The following PCSK2 variants were observed in gnomAD, a reference collection of about 807,000 sequenced individuals.
PCSK2 encodes neuroendocrine convertase 2.
In PCSK2, 14 loss-of-function variants were observed where a neutral mutation model predicts 69.7. That is an observed-to-expected ratio of 0.20 (90% CI 0.13 to 0.31). The LOEUF is 0.31. PCSK2 is among the 10% of genes least tolerant of loss of function. The pLI, the probability that PCSK2 is intolerant of heterozygous loss-of-function variation, is 1.00. For synonymous variants in PCSK2, 307 were observed against 320.7 expected (o/e 0.96, Z 0.46); for missense variants, 544 against 842.5 (o/e 0.65, Z 4.39).
intron 2 of PCSK2, among the ~76,000 whole-genome samples, chr20:17,288,000 C>T (rs78196117): frequency 5.3e-5 from 8 of 152,334 alleles, no homozygotes; most frequent in East Asian, 3.9e-4. Flanking sequence ...TGTCCCAGAA[C>T]GCCCTGTCTT....
intron 10 of PCSK2, chr20:17,464,809 G>C (rs561802705): frequency 6.0e-6 from 1 of 166,508 alleles, no homozygotes; most frequent in Non-Finnish European, 1.3e-5. Flanking sequence ...CCTATCTTTT[G>C]GATGGCATGT....
At chr20:17,271,787 T>A (rs952130413) in intron 2 of PCSK2, among the ~76,000 whole-genome samples, 6 of 152,226 alleles carry the variant, frequency 3.9e-5, no homozygotes, top group East Asian at 1.9e-4. Context: ...TTTAAAAAAA[T>A]TAGTGATTAA....
Position 17,409,319 on chromosome 20 carries a change from C to T in PCSK2, c.600C>T (p.Tyr200=). The T allele has an allele frequency of 6.2e-7, 1 of 1,613,460 alleles. No individual in the cohort carries two copies. Residue 200 remains tyrosine, a synonymous_variant, in exon 6 of 12, where the codon TAC becomes TAT. Transcript: ENST00000262545. ...SSNDPYPYPR[Y]TDDWFNSHGT... is the part of the protein sequence containing the mutation. ...ACGACCCCTATCCTTACCCTCGGTA[C>T]ACAGATGACTGGTTTAACAGGTAAA... is the stretch of plus-strand genomic sequence containing the variant.
At chr20:17,429,230 TAA>T (rs957275624) in intron 6 of PCSK2, among the ~76,000 whole-genome samples, 1 of 152,056 alleles carries the variant, frequency 6.6e-6, no homozygotes, top group African/African-American at 2.4e-5. Flanking sequence ...TACAGAAAAC[TAA>T]AAGACAGGTA....
chr20:17,354,219 C>G (rs2123202532), intron 2 of PCSK2, among the ~76,000 whole-genome samples: 1 of 152,324 alleles, frequency 6.6e-6, no homozygotes, highest in Admixed American at 6.5e-5. Flanking sequence ...ACAAAGACTT[C>G]TACTTTCTTA....
At chr20:17,370,162 T>A (rs572108919) in intron 5 of PCSK2, among the ~76,000 whole-genome samples, 12 of 152,312 alleles carry the variant, frequency 7.9e-5, no homozygotes, top group African/African-American at 2.2e-4. Flanking sequence ...TCCAAACTAT[T>A]TCTAAGCTAT....
chr20:17,482,171 G>C lies in PCSK2; in HGVS notation c.*101G>C. 1 of 1,057,526 alleles carries C rather than the reference G, an allele frequency of 9.5e-7. No individual in the cohort carries two copies. Among genetic ancestry groups the C allele is most frequent in the Non-Finnish European group, 1.3e-6 (1 of 752,000 alleles). 65.5% of individuals were successfully genotyped at this position (1,057,526 alleles called of 1,614,324 possible). A position where few individuals can be genotyped will look rare whatever the true frequency, so the allele number is the denominator to read the frequency against. ...ACCTAGCAATTCCATCACCCGTACA[G>C]GCAATTCCGTCTTCTTAATCTGAAG... is the stretch of plus-strand genomic sequence containing the variant. On this transcript the variant is annotated 3_prime_UTR_variant, in exon 12 of 12. Coordinates refer to ENST00000262545, the MANE Select transcript of PCSK2 (RefSeq NM_002594.5).
intron 6 of PCSK2, among the ~76,000 whole-genome samples, chr20:17,417,858 T>C (rs530333065): frequency 3.2e-4 from 48 of 152,326 alleles, no homozygotes; most frequent in African/African-American, 1.0e-3. Context: ...TTAATCATTG[T>C]TAAAGCTCTG....
intron 2 of PCSK2, among the ~76,000 whole-genome samples, chr20:17,353,068 C>A (rs564273286): frequency 3.3e-5 from 5 of 152,180 alleles, no homozygotes; most frequent in African/African-American, 9.6e-5. Flanking sequence ...AGGTGGCCAA[C>A]AAACATATGA....
At chr20:17,370,195 G>A (rs1040584978) in intron 5 of PCSK2, among the ~76,000 whole-genome samples, 1 of 152,176 alleles carries the variant, frequency 6.6e-6, no homozygotes, top group African/African-American at 2.4e-5. Flanking sequence ...TCCAGATCTA[G>A]GTGTAAAAAA....
At chr20:17,363,372 G>GACC (rs1259027457) in intron 4 of PCSK2, among the ~76,000 whole-genome samples, 2 of 152,190 alleles carry the variant, frequency 1.3e-5, no homozygotes, top group African/African-American at 4.8e-5. Flanking sequence ...ACTAGGAGAG[G>GACC]ACCTCCATGG....
intron 1 of PCSK2, among the ~76,000 whole-genome samples, chr20:17,256,260 C>A (rs4814600): frequency 0.23 from 35,383 of 151,954 alleles, 4,944 homozygotes; most frequent in Non-Finnish European, 0.31. Context: ...TGATGATTCA[C>A]CATTCTAACA....
At chr20:17,322,402 G>A (rs1989896967) in intron 2 of PCSK2, among the ~76,000 whole-genome samples, 1 of 152,128 alleles carries the variant, frequency 6.6e-6, no homozygotes, top group Admixed American at 6.5e-5. Context: ...AAATTCATAG[G>A]TTGAAGGCCC....
chr20:17,309,961 T>C (rs1370595361), intron 2 of PCSK2, among the ~76,000 whole-genome samples: 3 of 151,828 alleles, frequency 2.0e-5, no homozygotes, highest in Non-Finnish European at 2.9e-5. Context: ...AATAGGCTCA[T>C]AGTTTTGCAG....
At chr20:17,285,254 G>A (rs1223071585) in intron 2 of PCSK2, among the ~76,000 whole-genome samples, 1 of 152,202 alleles carries the variant, frequency 6.6e-6, no homozygotes, top group Admixed American at 6.5e-5. Context: ...TTCTTGTCGG[G>A]TGGGAACAGG....
chr20:17,253,916 G>C (rs1430371840), intron 1 of PCSK2, among the ~76,000 whole-genome samples: 1 of 152,166 alleles, frequency 6.6e-6, no homozygotes, highest in East Asian at 1.9e-4. Context: ...ACCCATTCTA[G>C]TGTGTGTAAA....
chr20:17,481,135 C>CT (rs2033391712), intron 11 of PCSK2, among the ~76,000 whole-genome samples: 2 of 152,052 alleles, frequency 1.3e-5, no homozygotes, highest in Non-Finnish European at 2.9e-5. Flanking sequence ...AATCCCAGCA[C>CT]TTTGGGAGGC....
intron 2 of PCSK2, among the ~76,000 whole-genome samples, chr20:17,340,326 T>C (rs946630222): frequency 2.0e-5 from 3 of 152,216 alleles, no homozygotes; most frequent in African/African-American, 7.2e-5. Flanking sequence ...AATCTGTTTC[T>C]CTGCTCTGTG....
intron 2 of PCSK2, among the ~76,000 whole-genome samples, chr20:17,291,431 T>C (rs1988691060): frequency 6.6e-6 from 1 of 152,184 alleles, no homozygotes; most frequent in African/African-American, 2.4e-5. Flanking sequence ...ATTGTATGAA[T>C]TGATTACATT....
Sources: allele counts gnomAD v4.1 joint callset (sites outside exome capture counted in the v4.1 genomes callset), GRCh38; gene constraint gnomAD v4.1.1; transcripts MANE v1.5; gene names NCBI Gene and HGNC (gene_info 2026-07-23, HGNC 2026-07-21).